PTPRK: variants seen among roughly 807,000 people sequenced by gnomAD.
PTPRK encodes the protein receptor-type tyrosine-protein phosphatase kappa.
Under a neutral mutation model 178.0 loss-of-function variants are expected in PTPRK, and 75 were observed. That is an observed-to-expected ratio of 0.42 (90% CI 0.35 to 0.51). PTPRK has a LOEUF of 0.51. Among genes scored for constraint, PTPRK ranks in the 20% least tolerant of loss-of-function variants. PTPRK has a pLI of 0.02. For synonymous variants in PTPRK, 637 were observed against 620.6 expected, an observed-to-expected ratio of 1.03 and a Z score of -0.39; for missense variants, 1,441 against 1,797.8, an observed-to-expected ratio of 0.80 and a Z score of 3.59.
At chr6:128,169,329 CAA>C (rs1799868358) in intron 7 of PTPRK, among the ~76,000 whole-genome samples, 1 of 151,044 alleles carries the variant, frequency 6.6e-6, no homozygotes, top group South Asian at 2.1e-4. Context: ...TTAACATATA[CAA>C]TAAAAAATAA....
At chr6:128,177,461 T>C (rs185258524) in intron 7 of PTPRK, among the ~76,000 whole-genome samples, 4 of 151,900 alleles carry the variant, frequency 2.6e-5, no homozygotes, top group Admixed American at 1.3e-4. Context: ...TACTTAATGA[T>C]ACAGTTAACA....
chr6:128,288,460 A>C (rs1365300265), intron 3 of PTPRK, among the ~76,000 whole-genome samples: 1 of 152,100 alleles, frequency 6.6e-6, no homozygotes, highest in Non-Finnish European at 1.5e-5. Flanking sequence ...AATCATTTTC[A>C]ATTTGTGTGC....
At chr6:128,064,687 G>A (rs952760640) in intron 13 of PTPRK, 71 bp downstream of exon 13, 17 of 1,526,186 alleles carry the variant, frequency 1.1e-5, no homozygotes, top group Non-Finnish European at 1.4e-5. Flanking sequence ...CCTGAAGCAG[G>A]GAACAAAGTC....
intron 13 of PTPRK, among the ~76,000 whole-genome samples, chr6:128,021,826 G>A (rs1773558017): frequency 6.6e-6 from 1 of 152,190 alleles, no homozygotes; most frequent in South Asian, 2.1e-4. Flanking sequence ...ATTCACCAAT[G>A]TATAGAGTTG....
At chr6:128,169,002 C>T (rs182570665) in intron 7 of PTPRK, among the ~76,000 whole-genome samples, 1 of 152,144 alleles carries the variant, frequency 6.6e-6, no homozygotes, top group Non-Finnish European at 1.5e-5. Flanking sequence ...TGTGACCTCA[C>T]TTAAATGTGG....
intron 3 of PTPRK, among the ~76,000 whole-genome samples, chr6:128,313,870 C>T (rs1227202529): frequency 6.6e-6 from 1 of 152,108 alleles, no homozygotes; most frequent in African/African-American, 2.4e-5. Context: ...GAAGCACGTA[C>T]AAGATGAGAC....
chr6:128,302,192 T>A (rs2128312521), intron 3 of PTPRK, among the ~76,000 whole-genome samples: 1 of 151,756 alleles, frequency 6.6e-6, no homozygotes, highest in East Asian at 1.9e-4. Flanking sequence ...ATGGAGACCA[T>A]CCTGCCTAAC....
rs1168857766 is a variant in PTPRK, at chr6:128,206,556, TTAAAAA to T, written c.868+12360_868+12365del. The stretch of plus-strand genomic sequence containing the variant: ...AACTCGCTGTAGATAAACTAGATAC[TTAAAAA>T]TATATAGGCAGATAAGGCAAGAAAA... On this transcript the variant is annotated intron_variant, in intron 6 of 29. Transcript: ENST00000368226. 3.9e-5 allele frequency among the ~76,000 whole-genome samples: 6 copies of T among 152,112 alleles called. No homozygotes were observed. The East Asian group carries it at 9.6e-4, about 24-fold the overall frequency.
intron 5 of PTPRK, among the ~76,000 whole-genome samples, chr6:128,232,889 G>A (rs894780620): frequency 6.6e-6 from 1 of 152,144 alleles, no homozygotes; most frequent in Non-Finnish European, 1.5e-5. Context: ...TTATTATATT[G>A]CATTGCATTG....
At chr6:127,996,718 G>A (rs1312606233) in intron 17 of PTPRK, among the ~76,000 whole-genome samples, 183 bp downstream of exon 17, 2 of 152,028 alleles carry the variant, frequency 1.3e-5, no homozygotes, top group African/African-American at 4.8e-5. Flanking sequence ...TGATCCACCT[G>A]CCTTGGCCTC....
intron 3 of PTPRK, among the ~76,000 whole-genome samples, chr6:128,307,901 G>A (rs1562255336): frequency 6.7e-6 from 1 of 148,882 alleles, no homozygotes; most frequent in Non-Finnish European, 1.5e-5. Context: ...GAGTCAACAA[G>A]TTGAATACAT....
intron 6 of PTPRK, among the ~76,000 whole-genome samples, chr6:128,209,955 C>G (rs912788275): frequency 6.6e-6 from 1 of 152,062 alleles, no homozygotes. Flanking sequence ...GAATTTATAC[C>G]GCAAGAACAG....
intron 7 of PTPRK, among the ~76,000 whole-genome samples, chr6:128,131,950 T>A (rs1449777092): frequency 6.6e-6 from 1 of 152,150 alleles, no homozygotes; most frequent in African/African-American, 2.4e-5. Context: ...ATAAACTATT[T>A]AAACAAATTA....
chr6:128,402,059 G>A (rs1466707806), intron 1 of PTPRK, among the ~76,000 whole-genome samples: 1 of 151,964 alleles, frequency 6.6e-6, no homozygotes, highest in Non-Finnish European at 1.5e-5. Flanking sequence ...ATGCTAATCA[G>A]AAACCATGAT....
At chr6:128,066,013 G>A (rs190519130) in intron 12 of PTPRK, among the ~76,000 whole-genome samples, 1 of 145,862 alleles carries the variant, frequency 6.9e-6, no homozygotes, top group Non-Finnish European at 1.5e-5. Context: ...ATATCAAAAA[G>A]CTTTAAAGAA....
chr6:128,032,106 AT>A, intron 13 of PTPRK, among the ~76,000 whole-genome samples: 1 of 152,256 alleles, frequency 6.6e-6, no homozygotes, highest in South Asian at 2.1e-4. Flanking sequence ...ATTCTATCTG[AT>A]TTTGACCTGC....
intron 3 of PTPRK, among the ~76,000 whole-genome samples, chr6:128,263,823 C>T (rs1230371721): frequency 6.6e-6 from 1 of 152,090 alleles, no homozygotes; most frequent in Non-Finnish European, 1.5e-5. Flanking sequence ...AAGAGGTTTT[C>T]CTGTCTTCAC....
intron 1 of PTPRK, among the ~76,000 whole-genome samples, chr6:128,426,603 A>T (rs1262529776): frequency 6.6e-6 from 1 of 152,204 alleles, no homozygotes; most frequent in Non-Finnish European, 1.5e-5. Context: ...AAATATTTAA[A>T]ATCTTTAAAA....
intron 13 of PTPRK, among the ~76,000 whole-genome samples, chr6:128,031,988 G>C (rs1775418639): frequency 6.6e-6 from 1 of 152,142 alleles, no homozygotes; most frequent in South Asian, 2.1e-4. Flanking sequence ...ACAGGCTTCA[G>C]TGGACCAGTG....
Sources: gnomAD v4.1 joint callset for allele counts (sites outside exome capture counted in the v4.1 genomes callset) on GRCh38, gnomAD v4.1.1 for gene constraint, MANE v1.5 for transcripts, NCBI Gene and HGNC (gene_info 2026-07-23, HGNC 2026-07-21) for gene names.